FGD4: variants seen among roughly 807,000 people sequenced by gnomAD.
FGD4 encodes FYVE, RhoGEF and PH domain containing 4.
Under a neutral mutation model 102.0 loss-of-function variants are expected in FGD4, and 42 were observed. That is an observed-to-expected ratio of 0.41 (90% confidence interval 0.32 to 0.53). FGD4 has a LOEUF of 0.53. FGD4 is among the 20% of genes least tolerant of loss of function. FGD4 has a pLI of 0.21. For missense variants in FGD4, 902 were observed against 1,078.2 expected (o/e 0.84, Z 2.29); for synonymous variants, 380 against 375.7 (o/e 1.01, Z -0.13).
chr12:32,603,359 G>A (rs1195339090), intron 7 of FGD4, among the ~76,000 whole-genome samples: 3 of 151,794 alleles, frequency 2.0e-5, no homozygotes, highest in Non-Finnish European at 4.4e-5. Context: ...GGGAATTCCT[G>A]GTATATGGGT....
In FGD4 at chr12:32,491,149, A is replaced by AC. The variant is rs1555188041; in HGVS notation, c.167-72988_167-72987insC. On this transcript the variant is annotated intron_variant, in intron 1 of 16. Transcript: ENST00000534526. ...CTGCCAGTTAAAAAAAAAAAAAAAAAACAAAAAACTATAAAATTGGAAAGG... is the reference window on the plus strand; with the variant it reads ...CTGCCAGTTAAAAAAAAAAAAAAAAACACAAAAAACTATAAAATTGGAAAGG... 3.9e-3 allele frequency among the ~76,000 whole-genome samples: 579 copies of AC among 148,966 alleles called. 3 individuals carry two copies. Among genetic ancestry groups the AC allele is most frequent in the African/African-American group, 0.014 (546 of 39,680 alleles).
At chr12:32,556,147 T>G (rs1385072107) in intron 1 of FGD4, among the ~76,000 whole-genome samples, 1 of 152,208 alleles carries the variant, frequency 6.6e-6, no homozygotes, top group African/African-American at 2.4e-5. Context: ...GGCCAGGCAC[T>G]TTAATTTTAA....
chr12:32,602,670 T>C (rs1415117380), intron 7 of FGD4, among the ~76,000 whole-genome samples: 1 of 152,230 alleles, frequency 6.6e-6, no homozygotes, highest in African/African-American at 2.4e-5. Context: ...CCTTGAGATT[T>C]GGGAAACTAA....
chr12:32,472,857 C>G (rs1169827864), intron 1 of FGD4, among the ~76,000 whole-genome samples: 1 of 152,186 alleles, frequency 6.6e-6, no homozygotes, highest in African/African-American at 2.4e-5. Context: ...GTGCACCAAT[C>G]GACACTGTAT....
At chr12:32,468,278 T>A (rs1160031260) in intron 1 of FGD4, among the ~76,000 whole-genome samples, 4 of 144,716 alleles carry the variant, frequency 2.8e-5, no homozygotes, top group African/African-American at 9.9e-5. Context: ...TTTTTTTTTT[T>A]AATTCTAGAG....
chr12:32,501,588 C>T (rs918990127), intron 1 of FGD4, among the ~76,000 whole-genome samples: 12 of 152,102 alleles, frequency 7.9e-5, no homozygotes, highest in Admixed American at 2.0e-4. Flanking sequence ...TCAATTAACA[C>T]GGTAAAAATG....
Position 32,445,726 on chromosome 12 carries a change from A to G in FGD4, c.166+45767A>G, listed in dbSNP as rs149930702. Among the ~76,000 whole-genome samples the G allele has an allele frequency of 1.2e-3, 181 of 152,342 alleles. 2 individuals carry two copies. The East Asian group carries it at 0.033, about 27-fold the overall frequency. On this transcript the variant is annotated intron_variant, in intron 1 of 16. Transcript: ENST00000534526. Reference sequence around the variant, plus strand: ...CTATACTGCAAGTTATGAATAAGATACACACTATTTCCAAGGGCCTAAAAT... The same window carrying G: ...CTATACTGCAAGTTATGAATAAGATGCACACTATTTCCAAGGGCCTAAAAT...
intron 2 of FGD4, among the ~76,000 whole-genome samples, chr12:32,571,712 G>C (rs1383076847): frequency 6.6e-6 from 1 of 152,106 alleles, no homozygotes; most frequent in Non-Finnish European, 1.5e-5. Context: ...TGATGACTGA[G>C]GTGAGCCTTG....
chr12:32,563,997 G>C (rs1336440974), intron 1 of FGD4, 140 bp from the exon 2 acceptor site: 7 of 848,472 alleles, frequency 8.3e-6, no homozygotes, highest in Non-Finnish European at 1.0e-5. Context: ...CGTGGAAAGA[G>C]AGGGAGACCG....
chr12:32,556,171 TG>T (rs979167926), intron 1 of FGD4, among the ~76,000 whole-genome samples: 16 of 152,338 alleles, frequency 1.1e-4, no homozygotes, highest in African/African-American at 3.8e-4. Flanking sequence ...GCCTTTAATA[TG>T]GTTTCTTGCC....
intron 2 of FGD4, among the ~76,000 whole-genome samples, chr12:32,573,207 T>A (rs1342726588): frequency 6.6e-6 from 1 of 152,196 alleles, no homozygotes; most frequent in Non-Finnish European, 1.5e-5. Context: ...GCCATTCTCC[T>A]GCTTCAGCCT....
intron 1 of FGD4, among the ~76,000 whole-genome samples, chr12:32,512,938 C>T (rs569403095): frequency 1.3e-5 from 2 of 152,230 alleles, no homozygotes; most frequent in South Asian, 4.1e-4. Context: ...AATGGAGTCT[C>T]CTCACATCAA....
rs992089286 is a variant in FGD4, at chr12:32,645,460, G to A, written c.*4927G>A. Reference sequence around the variant, plus strand: ...AGTTTGAGACCAGCCTGGCCAACATGGTGAAACCCTGTCTCTACTAAATAA... The same window carrying A: ...AGTTTGAGACCAGCCTGGCCAACATAGTGAAACCCTGTCTCTACTAAATAA... On this transcript the variant is annotated 3_prime_UTR_variant, in exon 17 of 17. Coordinates refer to ENST00000534526, the MANE Select transcript of FGD4 (RefSeq NM_001370298.3). The A allele has an allele frequency of 1.3e-5, 2 of 151,914 alleles. No homozygotes were observed. Among genetic ancestry groups the A allele is most frequent in the Admixed American group, 1.3e-4 (2 of 15,254 alleles). The allele number at this position is 151,914 out of a possible 1,614,324, so 9.4% of individuals were successfully genotyped here.
intron 1 of FGD4, among the ~76,000 whole-genome samples, chr12:32,500,148 A>C (rs777845336): frequency 6.6e-6 from 1 of 152,226 alleles, no homozygotes; most frequent in Non-Finnish European, 1.5e-5. Flanking sequence ...CTTTGGTCTC[A>C]GACAAATGAG....
intron 1 of FGD4, among the ~76,000 whole-genome samples, chr12:32,418,081 C>T (rs2136410552): frequency 6.6e-6 from 1 of 151,838 alleles, no homozygotes; most frequent in South Asian, 2.1e-4. Context: ...CTCAGCCTCC[C>T]GAGTAGCTGG....
At chr12:32,400,068 AC>A in intron 1 of FGD4, 109 bp downstream of exon 1, 1 of 1,371,050 alleles carries the variant, frequency 7.3e-7, no homozygotes, top group South Asian at 1.6e-5. Context: ...TGCGGAGGTA[AC>A]TGGTTCGGGA....
chr12:32,631,315 C>A (rs1479337368), intron 14 of FGD4, among the ~76,000 whole-genome samples: 1 of 151,992 alleles, frequency 6.6e-6, no homozygotes, highest in Non-Finnish European at 1.5e-5. Context: ...TAGCCTTTCT[C>A]CTAAAAGGAA....
intron 1 of FGD4, among the ~76,000 whole-genome samples, chr12:32,495,479 G>A (rs916917863): frequency 6.6e-6 from 1 of 152,002 alleles, no homozygotes; most frequent in Non-Finnish European, 1.5e-5. Flanking sequence ...GGCAGATCAC[G>A]AGGTCAGGAG....
At chr12:32,521,398 G>A (rs1005501146) in intron 1 of FGD4, among the ~76,000 whole-genome samples, 3 of 146,338 alleles carry the variant, frequency 2.1e-5, no homozygotes, top group Non-Finnish European at 4.5e-5. Context: ...AAAGGACATT[G>A]CATGAATATT....
Sources: gnomAD v4.1 joint callset for allele counts (sites outside exome capture counted in the v4.1 genomes callset) on GRCh38, gnomAD v4.1.1 for gene constraint, MANE v1.5 for transcripts, NCBI Gene and HGNC (gene_info 2026-07-23, HGNC 2026-07-21) for gene names.